The following AKAP9 variants were observed in gnomAD, a reference collection of about 807,000 sequenced individuals.
AKAP9 encodes A-kinase anchoring protein 9.
A neutral mutation model predicts 488.5 loss-of-function variants in AKAP9; 311 were observed. That is an observed-to-expected ratio of 0.64 (90% CI 0.58 to 0.70). The LOEUF (loss-of-function observed/expected upper bound fraction) is 0.70, where lower values mean the gene tolerates loss of function less well. Among genes scored for constraint, AKAP9 ranks in the 30% least tolerant of loss-of-function variants. AKAP9 has a pLI of 0.00. For synonymous variants in AKAP9, 1,462 were observed against 1,483.5 expected (o/e 0.99, Z 0.33); for missense variants, 4,215 against 4,374.5 (o/e 0.96, Z 1.03).
chr7:92,032,672 T>C (rs780865095), intron 16 of AKAP9, among the ~76,000 whole-genome samples: 4 of 152,092 alleles, frequency 2.6e-5, no homozygotes, highest in Non-Finnish European at 4.4e-5. Context: ...AGGAAAAACA[T>C]AAATTCGATG....
At chr7:91,943,691 ATAGT>A (rs971256735) in intron 1 of AKAP9, among the ~76,000 whole-genome samples, 14 of 152,246 alleles carry the variant, frequency 9.2e-5, no homozygotes, top group African/African-American at 3.1e-4. Context: ...TGCCTTTCAA[ATAGT>A]TATTCATACA....
chr7:92,034,464 AT>A lies in AKAP9; in HGVS notation c.4338+2862del, dbSNP rs751965990. Among the ~76,000 whole-genome samples the A allele has an allele frequency of 8.1e-5, 11 of 135,158 alleles. No homozygotes were observed. The East Asian group carries it at 1.1e-3, about 14-fold the overall frequency. 88.7% of individuals were successfully genotyped at this position (135,158 alleles called of 152,430 possible). A position where few individuals can be genotyped will look rare whatever the true frequency, so the allele number is the denominator to read the frequency against. On this transcript the variant is annotated intron_variant, in intron 16 of 49. Transcript: ENST00000356239. ...GGTGAATTTATATAGGTAGAGTTGT[AT>A]TGTAGTGTATATATCTATATATATA...
intron 8 of AKAP9, among the ~76,000 whole-genome samples, chr7:92,005,928 C>T (rs1023972239): frequency 6.6e-6 from 1 of 152,070 alleles, no homozygotes; most frequent in African/African-American, 2.4e-5. Flanking sequence ...CTCGGCCTCC[C>T]AAAGTGCTGG....
chr7:92,012,810 T>A (rs1386273150), intron 9 of AKAP9, among the ~76,000 whole-genome samples, 168 bp downstream of exon 9: 4 of 152,078 alleles, frequency 2.6e-5, no homozygotes, highest in Admixed American at 2.6e-4. Flanking sequence ...AAAGCTAAAA[T>A]CATTTTCCCA....
intron 14 of AKAP9, among the ~76,000 whole-genome samples, chr7:92,024,579 G>A (rs1802825223): frequency 6.6e-6 from 1 of 151,918 alleles, no homozygotes; most frequent in African/African-American, 2.4e-5. Flanking sequence ...ATTTAGGTCA[G>A]TGATATATCA....
In AKAP9 at chr7:91,947,159, T is replaced by G. The variant is rs180788317; in HGVS notation, c.48+6012T>G. On this transcript the variant is annotated intron_variant, in intron 1 of 49. Coordinates refer to ENST00000356239, the MANE Select transcript of AKAP9 (RefSeq NM_005751.5). Reference sequence around the variant, plus strand: ...TATAAAAGTGGTTTGGTGTCTGGGGTGTGTGTGTGTGTGTGCGTGTGTGTG... The same window carrying G: ...TATAAAAGTGGTTTGGTGTCTGGGGGGTGTGTGTGTGTGTGCGTGTGTGTG... Among the ~76,000 whole-genome samples, 103 of 99,358 alleles carry G rather than the reference T, an allele frequency of 1.0e-3. No individual in the cohort carries two copies. The East Asian group carries it at 0.026, about 25-fold the overall frequency. The allele number at this position is 99,358 out of a possible 152,430, so 65.2% of individuals were successfully genotyped here.
intron 9 of AKAP9, among the ~76,000 whole-genome samples, chr7:92,013,408 G>C (rs1490093133): frequency 6.6e-6 from 1 of 152,162 alleles, no homozygotes; most frequent in Non-Finnish European, 1.5e-5. Context: ...TATAGCTGGA[G>C]AGATTGGCAA....
intron 12 of AKAP9, among the ~76,000 whole-genome samples, chr7:92,019,064 A>G (rs1395492666): frequency 1.3e-5 from 2 of 152,228 alleles, no homozygotes; most frequent in Non-Finnish European, 2.9e-5. Context: ...TGAAGGGAGT[A>G]CAAAGAATAT....
intron 28 of AKAP9, among the ~76,000 whole-genome samples, chr7:92,074,059 A>C (rs904431245): frequency 1.3e-5 from 2 of 152,258 alleles, no homozygotes; most frequent in Non-Finnish European, 2.9e-5. Context: ...ACAGCAAAAG[A>C]AACTATCATC....
At chr7:91,995,485 C>A in intron 6 of AKAP9, 118 bp from the exon 7 acceptor site, 1 of 825,988 alleles carries the variant, frequency 1.2e-6, no homozygotes, top group Middle Eastern at 2.7e-4. Flanking sequence ...AGCATGTTTG[C>A]TAGGGTCTCA....
intron 14 of AKAP9, among the ~76,000 whole-genome samples, chr7:92,029,237 A>G (rs1262234062): frequency 6.6e-6 from 1 of 152,032 alleles, no homozygotes; most frequent in Non-Finnish European, 1.5e-5. Flanking sequence ...TACAGATGTG[A>G]ATACCAAAAG....
At chr7:91,993,339 C>T (rs1229623089) in intron 5 of AKAP9, among the ~76,000 whole-genome samples, 1 of 152,022 alleles carries the variant, frequency 6.6e-6, no homozygotes, top group Non-Finnish European at 1.5e-5. Context: ...CAGGCATGCA[C>T]TACCACACCC....
At chr7:92,104,257 C>T (rs1364229344) in intron 46 of AKAP9, among the ~76,000 whole-genome samples, 1 of 148,888 alleles carries the variant, frequency 6.7e-6, no homozygotes, top group African/African-American at 2.5e-5. Flanking sequence ...GTGGTGCTAT[C>T]TCAGCTCACT....
At position 92,012,416 on chromosome 7, in the gene AKAP9, TG is replaced by T. The variant is rs1183888109; in HGVS notation, c.3319-12del. Reference sequence around the variant, plus strand: ...TTAAGAATATTATAATGTTTACATATGTTTACTTTAAGAATGATTTAAGGCT... The same window carrying T: ...TTAAGAATATTATAATGTTTACATATTTTACTTTAAGAATGATTTAAGGCT... On this transcript the variant is annotated splice_polypyrimidine_tract_variant and intron_variant, in intron 8 of 49. Coordinates refer to ENST00000356239, the MANE Select transcript of AKAP9 (RefSeq NM_005751.5). 1 of 1,600,950 alleles carries T rather than the reference TG, an allele frequency of 6.2e-7. No homozygotes were observed. Among genetic ancestry groups the T allele is most frequent in the Non-Finnish European group, 8.6e-7 (1 of 1,168,436 alleles).
intron 28 of AKAP9, among the ~76,000 whole-genome samples, chr7:92,071,932 A>T (rs543907434): frequency 3.6e-4 from 54 of 151,986 alleles, no homozygotes; most frequent in Non-Finnish European, 7.1e-4. Flanking sequence ...AATACTGAGT[A>T]ATGTTTACCT....
intron 8 of AKAP9, among the ~76,000 whole-genome samples, chr7:92,005,844 T>A (rs61431844): frequency 0.03 from 4,585 of 151,900 alleles, 208 homozygotes; most frequent in African/African-American, 0.1. Flanking sequence ...AATTTTTGTA[T>A]TTTTAGTAGA....
At chr7:91,942,919 A>T (rs925447066) in intron 1 of AKAP9, among the ~76,000 whole-genome samples, 11 of 152,088 alleles carry the variant, frequency 7.2e-5, no homozygotes, top group African/African-American at 2.2e-4. Context: ...TTGCTGCAAC[A>T]TTAGCTATAC....
At chr7:91,998,140 G>A (rs1584773551) in intron 7 of AKAP9, among the ~76,000 whole-genome samples, 1 of 152,130 alleles carries the variant, frequency 6.6e-6, no homozygotes, top group African/African-American at 2.4e-5. Flanking sequence ...AATAAGGTTC[G>A]AGCTCCTAGA....
Position 92,022,799 on chromosome 7 carries a change from C to A in AKAP9, c.3953-15C>A. 1 of 1,526,886 alleles carries A rather than the reference C, an allele frequency of 6.5e-7. No homozygotes were observed. Among genetic ancestry groups the A allele is most frequent in the South Asian group, 1.1e-5 (1 of 87,856 alleles). 94.6% of individuals were successfully genotyped at this position (1,526,886 alleles called of 1,614,324 possible). A position where few individuals can be genotyped will look rare whatever the true frequency, so the allele number is the denominator to read the frequency against. On this transcript the variant is annotated splice_polypyrimidine_tract_variant and intron_variant, in intron 13 of 49. Coordinates refer to ENST00000356239, the MANE Select transcript of AKAP9 (RefSeq NM_005751.5). ...ATATTGAAATGTGCATTTTTTGTCT[C>A]TTTATATAACATAGATGTCAATCAT...
Sources: gnomAD v4.1 joint callset for allele counts (sites outside exome capture counted in the v4.1 genomes callset) on GRCh38, gnomAD v4.1.1 for gene constraint, MANE v1.5 for transcripts, NCBI Gene and HGNC (gene_info 2026-07-23, HGNC 2026-07-21) for gene names.